Variants in CLCN7 observed in about 807,000 individuals in gnomAD.
CLCN7 encodes H(+)/Cl(-) exchange transporter 7.
In CLCN7, 60 loss-of-function variants were observed where a neutral mutation model predicts 102.1. The observed-to-expected ratio is 0.59, with a 90% CI of 0.48 to 0.73. The LOEUF (loss-of-function observed/expected upper bound fraction) is 0.73. CLCN7 is among the 30% of genes least tolerant of loss of function. CLCN7 has a pLI of 0.00. For synonymous variants in CLCN7, 560 were observed against 490.5 expected, an observed-to-expected ratio of 1.14 and a Z score of -1.87; for missense variants, 962 against 1,125.7, an observed-to-expected ratio of 0.85 and a Z score of 2.08.
chr16:1,460,306 T>A, intron 6 of CLCN7, 112 bp downstream of exon 6: 3 of 795,482 alleles, frequency 3.8e-6, no homozygotes, highest in Non-Finnish European at 6.5e-6. Flanking sequence ...AGTGCCCGGG[T>A]TGTCAGCCAA....
chr16:1,457,799 C>G lies in CLCN7; in HGVS notation c.676-43G>C, dbSNP rs551969797. On this transcript the variant is annotated intron_variant, in intron 7 of 24. Transcript: ENST00000382745. The surrounding 1 kb of genome is among the most constrained non-coding windows in gnomAD (Gnocchi z 5.4). ...GCATGGCCTCTGATGAAAAGGCAGGCGCTGTCTTTGGACCTGAGCCGTAAA... is the reference window on the plus strand; with the variant it reads ...GCATGGCCTCTGATGAAAAGGCAGGGGCTGTCTTTGGACCTGAGCCGTAAA... 1 of 1,585,104 alleles carries G rather than the reference C, an allele frequency of 6.3e-7. No individual in the cohort carries two copies. The highest frequency in any genetic ancestry group is 8.7e-7 in the Non-Finnish European group (1 of 1,154,238).
chr16:1,454,560 T>C, intron 12 of CLCN7, 95 bp from the exon 13 acceptor site: 1 of 1,222,660 alleles, frequency 8.2e-7, no homozygotes, highest in Non-Finnish European at 1.2e-6. Context: ...AAGAGAGCTG[T>C]CCCCACAGAG....
intron 21 of CLCN7, 105 bp downstream of exon 21, chr16:1,448,250 C>T (rs2038684548): frequency 6.8e-7 from 1 of 1,474,488 alleles, no homozygotes. Flanking sequence ...GCCAGTGCAC[C>T]CAAACGTGCA....
At chr16:1,470,479 G>A (rs2039063175) in intron 1 of CLCN7, among the ~76,000 whole-genome samples, 1 of 152,224 alleles carries the variant, frequency 6.6e-6, no homozygotes. Flanking sequence ...GGGGGGATGG[G>A]GGTTACAGTC....
At chr16:1,470,468 C>CG (rs916103784) in intron 1 of CLCN7, among the ~76,000 whole-genome samples, 1 of 152,174 alleles carries the variant, frequency 6.6e-6, no homozygotes, top group Non-Finnish European at 1.5e-5. Flanking sequence ...AGCTGCCCCG[C>CG]GGGGGGATGG....
chr16:1,447,306 C>CA (rs1202332120), intron 23 of CLCN7, 86 bp downstream of exon 23: 2 of 1,386,340 alleles, frequency 1.4e-6, no homozygotes, highest in African/African-American at 2.9e-5. Context: ...TGTGGCCCCC[C>CA]CCGGCTGCCC....
chr16:1,465,195 G>C, intron 2 of CLCN7, 72 bp downstream of exon 2: 1 of 1,458,910 alleles, frequency 6.9e-7, no homozygotes. Flanking sequence ...CGCTCGGCCC[G>C]TGCCCATCCC....
intron 10 of CLCN7, 147 bp downstream of exon 10, chr16:1,455,966 A>G: frequency 3.1e-6 from 3 of 976,926 alleles, no homozygotes; most frequent in Non-Finnish European, 4.6e-6. Context: ...GCTGGACCCA[A>G]GTACACTGCC....
chr16:1,447,395 G>C lies in CLCN7; in HGVS notation c.2247C>G (p.Pro749=). Residue 749 remains proline (P), a synonymous_variant, in exon 23 of 25, where the codon CCC becomes CCG. Coordinates refer to ENST00000382745, the MANE Select transcript of CLCN7 (RefSeq NM_001287.6). The part of the protein sequence containing the change: ...EFMNPSPYTV[P]QEASLPRVFK... ...CATGCCCATGCCCTGCACATGCCTGGGGCACCGTGTAGGGGGAGGGGTTCA... is the reference window on the plus strand; with the variant it reads ...CATGCCCATGCCCTGCACATGCCTGCGGCACCGTGTAGGGGGAGGGGTTCA... 6.5e-7 allele frequency: 1 copy of C among 1,548,490 alleles called. No individual in the cohort carries two copies. The highest frequency in any genetic ancestry group is 8.7e-7 in the Non-Finnish European group (1 of 1,145,996).
Position 1,454,471 on chromosome 16 carries a change from CAG to C in CLCN7, c.1099-8_1099-7del. 2 of 1,613,382 alleles carry C rather than the reference CAG, an allele frequency of 1.2e-6. No homozygotes were observed. The highest frequency in any genetic ancestry group is 1.3e-5 in the African/African-American group (1 of 75,018). ...TGGATCGTGTAGGCCATTTTCTGTGCAGAGAGAGGGAGAAGGCAGAGGATGTG... is the reference window on the plus strand; with the variant it reads ...TGGATCGTGTAGGCCATTTTCTGTGCAGAGAGGGAGAAGGCAGAGGATGTG... On this transcript the variant is annotated splice_polypyrimidine_tract_variant and splice_region_variant and intron_variant, in intron 12 of 24. Transcript: ENST00000382745.
At chr16:1,446,937 A>G in intron 24 of CLCN7, 69 bp downstream of exon 24, 1 of 1,414,910 alleles carries the variant, frequency 7.1e-7, no homozygotes, top group Non-Finnish European at 9.7e-7. Flanking sequence ...GGGAGCTGAG[A>G]GTAAGCACGG....
intron 12 of CLCN7, among the ~76,000 whole-genome samples, chr16:1,454,855 C>T (rs1229909554): frequency 8.5e-5 from 13 of 152,232 alleles, no homozygotes; most frequent in South Asian, 8.3e-4. Flanking sequence ...GCCCCGAGAG[C>T]GGCTGCTGCA....
intron 16 of CLCN7, 76 bp downstream of exon 16, chr16:1,451,547 A>G (rs1381985775): frequency 1.5e-6 from 2 of 1,309,876 alleles, no homozygotes; most frequent in African/African-American, 1.5e-5. Context: ...ACCTCAGCCC[A>G]CAGGGGACAC....
At chr16:1,469,972 C>T (rs531011248) in intron 1 of CLCN7, among the ~76,000 whole-genome samples, 32 of 152,366 alleles carry the variant, frequency 2.1e-4, no homozygotes, top group Non-Finnish European at 3.8e-4. Flanking sequence ...AGACAGCTCC[C>T]GCAGGTCCAC....
chr16:1,474,998 C>A lies in CLCN7; in HGVS notation c.-24G>T. On this transcript the variant is annotated 5_prime_UTR_variant, in exon 1 of 25. Transcript: ENST00000382745. Reference sequence around the variant, plus strand: ...ATGGCCCGCCGCGGAGCGACACCGGCCGGGAAGCGCCGGCTGCCCCCGTGT... The same window carrying A: ...ATGGCCCGCCGCGGAGCGACACCGGACGGGAAGCGCCGGCTGCCCCCGTGT... The A allele has an allele frequency of 6.9e-7, 1 of 1,439,466 alleles. No homozygotes were observed. Among genetic ancestry groups the A allele is most frequent in the Non-Finnish European group, 9.1e-7 (1 of 1,094,480 alleles). 89.2% of individuals were successfully genotyped at this position (1,439,466 alleles called of 1,614,324 possible). A position where few individuals can be genotyped will look rare whatever the true frequency, so the allele number is the denominator to read the frequency against.
At chr16:1,461,795 G>T in intron 2 of CLCN7, 121 bp from the exon 3 acceptor site, 1 of 871,580 alleles carries the variant, frequency 1.1e-6, no homozygotes, top group Non-Finnish European at 1.9e-6. Context: ...CACAGCAAGA[G>T]AACTGCACAT....
intron 23 of CLCN7, 49 bp downstream of exon 23, chr16:1,447,343 C>T (rs2038665176): frequency 2.6e-6 from 4 of 1,515,252 alleles, no homozygotes; most frequent in African/African-American, 1.4e-5. Flanking sequence ...ACCCCACCCC[C>T]TGCTGTTCAG....
chr16:1,455,107 G>A, intron 12 of CLCN7, 27 bp downstream of exon 12: 4 of 1,292,812 alleles, frequency 3.1e-6, no homozygotes, highest in Non-Finnish European at 4.5e-6. Context: ...ATACGAGGTG[G>A]GCGAGGTGGG....
intron 1 of CLCN7, chr16:1,474,335 T>C (rs1021903148): frequency 1.3e-5 from 5 of 382,228 alleles, no homozygotes; most frequent in Non-Finnish European, 2.1e-5. Context: ...CACAGAAAGA[T>C]GGCAGATAAA....
Sources: allele counts gnomAD v4.1 joint callset (sites outside exome capture counted in the v4.1 genomes callset), GRCh38; gene constraint gnomAD v4.1.1; non-coding constraint Gnocchi (gnomAD v3.1); transcripts MANE v1.5; gene names NCBI Gene and HGNC (gene_info 2026-07-23, HGNC 2026-07-21).